The following AKAP6 variants were observed in gnomAD, a reference collection of about 807,000 sequenced individuals.
AKAP6 encodes A-kinase anchoring protein 6.
A neutral mutation model predicts 188.5 loss-of-function variants in AKAP6; 58 were observed. The ratio of observed to expected loss-of-function variants is 0.31; its 90% CI spans 0.25 to 0.38. The LOEUF (loss-of-function observed/expected upper bound fraction) is 0.38. Ranked by LOEUF, AKAP6 falls within the 10% of genes least tolerant of loss-of-function variation. The probability of loss-of-function intolerance (pLI) is 1.00; values close to 1 mark genes in which losing one functional copy is unlikely to be tolerated. For synonymous variants in AKAP6, 989 were observed against 998.6 expected, an observed-to-expected ratio of 0.99 and a Z score of 0.18; for missense variants, 2,710 against 2,740.0, an observed-to-expected ratio of 0.99 and a Z score of 0.24.
chr14:32,479,959 A>C (rs1879255836), intron 2 of AKAP6, among the ~76,000 whole-genome samples: 1 of 152,140 alleles, frequency 6.6e-6, no homozygotes, highest in African/African-American at 2.4e-5. Context: ...GCAGATTACA[A>C]ATCTTTACCT....
At chr14:32,798,807 A>G (rs747866574) in intron 12 of AKAP6, among the ~76,000 whole-genome samples, 1 of 152,180 alleles carries the variant, frequency 6.6e-6, no homozygotes, top group Non-Finnish European at 1.5e-5. Flanking sequence ...TAATCTGTAC[A>G]CCAAAATCCT....
At chr14:32,686,542 A>G (rs1889933171) in intron 8 of AKAP6, among the ~76,000 whole-genome samples, 2 of 152,264 alleles carry the variant, frequency 1.3e-5, no homozygotes, top group South Asian at 4.1e-4. Flanking sequence ...GTACCATAAT[A>G]TCTCATGTAC....
chr14:32,465,675 A>G (rs1055765669), intron 2 of AKAP6, among the ~76,000 whole-genome samples: 12 of 152,216 alleles, frequency 7.9e-5, no homozygotes, highest in Non-Finnish European at 1.2e-4. Context: ...GGCTTGGGCA[A>G]AGACTTCATG....
At chr14:32,661,059 C>T (rs966110224) in intron 7 of AKAP6, among the ~76,000 whole-genome samples, 1 of 151,116 alleles carries the variant, frequency 6.6e-6, no homozygotes, top group African/African-American at 2.4e-5. Context: ...GGGAGAGTAA[C>T]ATTTCATTTT....
intron 2 of AKAP6, among the ~76,000 whole-genome samples, chr14:32,491,641 T>TA (rs1261186177): frequency 6.6e-6 from 1 of 152,214 alleles, no homozygotes; most frequent in Non-Finnish European, 1.5e-5. Context: ...GGACCTTGAT[T>TA]TCCTCCTTTA....
intron 2 of AKAP6, among the ~76,000 whole-genome samples, chr14:32,510,436 G>GTATATATGTATATACA (rs1555335161): frequency 3.3e-5 from 1 of 30,258 alleles, no homozygotes; most frequent in Non-Finnish European, 6.8e-5. Flanking sequence ...ATATATATAT[G>GTATATATGTATATACA]TGTATATATA....
intron 5 of AKAP6, among the ~76,000 whole-genome samples, chr14:32,594,600 C>T (rs1885615889): frequency 6.6e-6 from 1 of 152,182 alleles, no homozygotes; most frequent in East Asian, 1.9e-4. Flanking sequence ...CACAGAGGAT[C>T]ATGGCTTTCT....
At chr14:32,504,930 C>T (rs11621889) in intron 2 of AKAP6, among the ~76,000 whole-genome samples, 4,188 of 152,294 alleles carry the variant, frequency 0.027, 84 homozygotes, top group Non-Finnish European at 0.042. Context: ...TGAAATCAGA[C>T]AGGAAAGCGT....
intron 4 of AKAP6, among the ~76,000 whole-genome samples, chr14:32,553,248 G>A (rs1022501095): frequency 2.7e-5 from 4 of 147,910 alleles, no homozygotes; most frequent in Non-Finnish European, 4.4e-5. Context: ...CTGCACCTCC[G>A]CCTCCTGGGT....
intron 11 of AKAP6, among the ~76,000 whole-genome samples, chr14:32,749,136 C>T (rs373149127): frequency 1.3e-5 from 2 of 152,132 alleles, no homozygotes; most frequent in Admixed American, 1.3e-4. Flanking sequence ...GTTGGCAACC[C>T]TATGACCTAG....
chr14:32,503,591 A>G (rs1566542807), intron 2 of AKAP6, among the ~76,000 whole-genome samples: 1 of 151,822 alleles, frequency 6.6e-6, no homozygotes, highest in Admixed American at 6.6e-5. Flanking sequence ...ATTTATCAAG[A>G]TGTATAATGG....
At chr14:32,504,287 T>C (rs1880752809) in intron 2 of AKAP6, among the ~76,000 whole-genome samples, 1 of 152,210 alleles carries the variant, frequency 6.6e-6, no homozygotes, top group African/African-American at 2.4e-5. Flanking sequence ...TTGTTTGTTT[T>C]GTTTGTTTTT....
At chr14:32,741,753 A>G (rs1034291308) in intron 11 of AKAP6, among the ~76,000 whole-genome samples, 1 of 146,618 alleles carries the variant, frequency 6.8e-6, no homozygotes, top group African/African-American at 2.5e-5. Flanking sequence ...GTATTATTGA[A>G]TTTGGTTTGC....
At chr14:32,669,942 C>G (rs1001112648) in intron 7 of AKAP6, among the ~76,000 whole-genome samples, 3 of 151,880 alleles carry the variant, frequency 2.0e-5, no homozygotes, top group African/African-American at 7.3e-5. Context: ...ATTAAAAATA[C>G]AAAACTTAGC....
chr14:32,411,542 G>C (rs1889482145), intron 1 of AKAP6, among the ~76,000 whole-genome samples: 1 of 151,988 alleles, frequency 6.6e-6, no homozygotes, highest in Non-Finnish European at 1.5e-5. Flanking sequence ...GGGAATCTGG[G>C]GTTTTAGCTG....
chr14:32,599,402 C>T lies in AKAP6; in HGVS notation c.2470-8C>T, dbSNP rs17506750. On this transcript the variant is annotated splice_region_variant and splice_polypyrimidine_tract_variant and intron_variant, in intron 5 of 13. Coordinates refer to ENST00000280979, the MANE Select transcript of AKAP6 (RefSeq NM_004274.5). ...GCCAGGGTTTAATGTTCATATTTTTCCTTGCAGAGTTTTAAGTTGAATGTA... is the reference window on the plus strand; with the variant it reads ...GCCAGGGTTTAATGTTCATATTTTTTCTTGCAGAGTTTTAAGTTGAATGTA... 0.077 allele frequency: 122,846 copies of T among 1,605,746 alleles called. 5,103 individuals are homozygous for T. The highest frequency in any genetic ancestry group is 0.084 in the Non-Finnish European group (98,310 of 1,175,558).
At chr14:32,440,932 G>A (rs966795238) in intron 2 of AKAP6, among the ~76,000 whole-genome samples, 1 of 151,994 alleles carries the variant, frequency 6.6e-6, no homozygotes, top group Admixed American at 6.6e-5. Flanking sequence ...TAAGAGGTGG[G>A]GTCTTTAGGA....
chr14:32,527,637 A>C (rs2139086051), intron 2 of AKAP6, among the ~76,000 whole-genome samples: 1 of 152,324 alleles, frequency 6.6e-6, no homozygotes, highest in East Asian at 1.9e-4. Flanking sequence ...TCTAATGATT[A>C]TGTAATGGTA....
At chr14:32,682,870 A>C (rs1411267579) in intron 8 of AKAP6, among the ~76,000 whole-genome samples, 1 of 152,152 alleles carries the variant, frequency 6.6e-6, no homozygotes, top group East Asian at 1.9e-4. Flanking sequence ...TCTCCTAGGA[A>C]TTTGTTAGAA....
Sources: gnomAD v4.1 joint callset for allele counts (sites outside exome capture counted in the v4.1 genomes callset) on GRCh38, gnomAD v4.1.1 for gene constraint, MANE v1.5 for transcripts, NCBI Gene and HGNC (gene_info 2026-07-23, HGNC 2026-07-21) for gene names.